LAMA3: variants seen among roughly 807,000 people sequenced by gnomAD.
The protein encoded by LAMA3 is laminin subunit alpha-3.
A neutral mutation model predicts 402.0 loss-of-function variants in LAMA3; 281 were observed. That is an observed-to-expected ratio of 0.70 (90% CI 0.63 to 0.77). LAMA3 has a LOEUF of 0.77. Among genes scored for constraint, LAMA3 ranks in the 30% least tolerant of loss-of-function variants. LAMA3 has a pLI of 0.00. For synonymous variants in LAMA3, 1,431 were observed against 1,558.4 expected, an observed-to-expected ratio of 0.92 and a Z score of 1.93; for missense variants, 3,840 against 4,215.5, an observed-to-expected ratio of 0.91 and a Z score of 2.47.
Position 23,945,511 on chromosome 18 carries a change from A to G in LAMA3, c.9211-633A>G, listed in dbSNP as rs548647455. Among the ~76,000 whole-genome samples, 4 of 152,274 alleles carry G rather than the reference A, an allele frequency of 2.6e-5. No individual in the cohort carries two copies. In the South Asian group the frequency reaches 8.3e-4, roughly 32 times the overall value. ...GGGAGAATGAGGATTTCTGTCGTGA[A>G]CATCTCAGGGTTGAGTGGCCTGTCA... On this transcript the variant is annotated intron_variant, in intron 69 of 74. Coordinates refer to ENST00000313654, the MANE Select transcript of LAMA3 (RefSeq NM_198129.4).
chr18:23,937,072 A>C (rs1303414211), intron 67 of LAMA3, among the ~76,000 whole-genome samples: 1 of 152,178 alleles, frequency 6.6e-6, no homozygotes, highest in Non-Finnish European at 1.5e-5. Context: ...TCTAGGCAAA[A>C]GAGTCGGGGC....
At position 23,760,955 on chromosome 18, in the gene LAMA3, TCTC is replaced by T. The variant is rs1295793354; in HGVS notation, c.1063+2447_1064-2445del. 3.3e-5 allele frequency among the ~76,000 whole-genome samples: 5 copies of T among 151,940 alleles called. No homozygotes were observed. In the South Asian group the frequency reaches 1.0e-3, roughly 32 times the overall value. The stretch of plus-strand genomic sequence containing the variant: ...CACTTATCACCTCCCAGAGGGCCCA[TCTC>T]CTAATAACTGGTGATTAGGTTTCAC... On this transcript the variant is annotated intron_variant, in intron 7 of 74. Transcript: ENST00000313654.
chr18:23,806,974 A>AT (rs1372560853), intron 12 of LAMA3, among the ~76,000 whole-genome samples: 1 of 152,226 alleles, frequency 6.6e-6, no homozygotes, highest in Non-Finnish European at 1.5e-5. Flanking sequence ...ACGTTATCAA[A>AT]TACGTGGTCA....
At chr18:23,845,628 A>C (rs2063797350) in intron 30 of LAMA3, among the ~76,000 whole-genome samples, 1 of 151,994 alleles carries the variant, frequency 6.6e-6, no homozygotes, top group Non-Finnish European at 1.5e-5. Flanking sequence ...TCTTCTGTGG[A>C]CCCACCCTTT....
chr18:23,737,057 G>A (rs1341366725), intron 2 of LAMA3, among the ~76,000 whole-genome samples: 1 of 152,006 alleles, frequency 6.6e-6, no homozygotes, highest in Non-Finnish European at 1.5e-5. Context: ...AGTGGGCAGA[G>A]TAGGATATGT....
At chr18:23,751,240 G>A in intron 5 of LAMA3, 152 bp downstream of exon 5, 1 of 745,460 alleles carries the variant, frequency 1.3e-6, no homozygotes, top group Non-Finnish European at 2.2e-6. Context: ...ATATAATTAG[G>A]AGTTTATATC....
chr18:23,812,582 A>G (rs984111075), intron 13 of LAMA3, among the ~76,000 whole-genome samples: 43 of 152,356 alleles, frequency 2.8e-4, no homozygotes, highest in African/African-American at 9.1e-4. Flanking sequence ...TTTGGTTTGT[A>G]GTGTTATACT....
intron 22 of LAMA3, 145 bp downstream of exon 22, chr18:23,826,944 C>T: frequency 3.0e-6 from 2 of 663,044 alleles, no homozygotes; most frequent in Non-Finnish European, 5.4e-6. Context: ...CTATGTCTTA[C>T]TTGTGTTCTT....
chr18:23,931,412 C>G (rs185709757), intron 65 of LAMA3: 111 of 553,708 alleles, frequency 2.0e-4, no homozygotes, highest in African/African-American at 1.9e-3. Context: ...ATCCCAACAA[C>G]TAAGAAGGCT....
At chr18:23,893,058 C>A (rs1211154275) in intron 42 of LAMA3, among the ~76,000 whole-genome samples, 1 of 151,862 alleles carries the variant, frequency 6.6e-6, no homozygotes, top group Admixed American at 6.6e-5. Context: ...TTTCTGACTT[C>A]CCCATATTTT....
At chr18:23,937,688 G>A (rs2145447013) in intron 67 of LAMA3, among the ~76,000 whole-genome samples, 1 of 152,280 alleles carries the variant, frequency 6.6e-6, no homozygotes, top group African/African-American at 2.4e-5. Context: ...AGGGAGCAAG[G>A]CCCACTGGTA....
chr18:23,898,133 G>A (rs1245855519), intron 44 of LAMA3: 1 of 153,378 alleles, frequency 6.5e-6, no homozygotes, highest in Admixed American at 6.5e-5. Context: ...TAGTGTCTAA[G>A]GGTCTAAGAG....
chr18:23,844,570 T>C (rs1235698836), intron 29 of LAMA3, among the ~76,000 whole-genome samples: 3 of 152,174 alleles, frequency 2.0e-5, no homozygotes, highest in Admixed American at 6.5e-5. Context: ...CCCTGCACAG[T>C]AATGTGGACT....
At chr18:23,906,345 A>G (rs1306831359) in intron 52 of LAMA3, among the ~76,000 whole-genome samples, 1 of 152,220 alleles carries the variant, frequency 6.6e-6, no homozygotes. Flanking sequence ...AATCTTTGCA[A>G]CTAAAAGTCC....
rs60499980 is a variant in LAMA3 at position 23,919,278 on chromosome 18, G to C, written c.7924-1657G>C. Among the ~76,000 whole-genome samples, 1,148 of 152,254 alleles carry C rather than the reference G, an allele frequency of 7.5e-3. 13 individuals carry two copies. The highest frequency in any genetic ancestry group is 0.027 in the African/African-American group (1,102 of 41,546). On this transcript the variant is annotated intron_variant, in intron 60 of 74. Coordinates refer to ENST00000313654, the MANE Select transcript of LAMA3 (RefSeq NM_198129.4). ...GAACTCGGTCCCTGGACCTCAAAGA[G>C]AGGCATTCTTATCATTAAGGAACTG...
chr18:23,794,076 C>T (rs966572369), intron 12 of LAMA3, among the ~76,000 whole-genome samples: 14 of 152,222 alleles, frequency 9.2e-5, no homozygotes, highest in Non-Finnish European at 1.8e-4. Flanking sequence ...CTCCCTGGGC[C>T]CCACCCTCCA....
chr18:23,749,289 G>T, intron 3 of LAMA3, 139 bp from the exon 4 acceptor site: 1 of 608,196 alleles, frequency 1.6e-6, no homozygotes. Flanking sequence ...TCCATTATCA[G>T]CCTTTCTCTA....
At chr18:23,779,780 C>G (rs1279529230) in intron 11 of LAMA3, among the ~76,000 whole-genome samples, 7 of 152,200 alleles carry the variant, frequency 4.6e-5, no homozygotes, top group Middle Eastern at 3.4e-3. Flanking sequence ...TTGGGAAAGT[C>G]ATGGGATTGC....
chr18:23,851,671 C>T (rs939643456), intron 32 of LAMA3, among the ~76,000 whole-genome samples: 2 of 152,218 alleles, frequency 1.3e-5, no homozygotes, highest in South Asian at 2.1e-4. Context: ...CTCCTGGCTT[C>T]AGCCACCCTC....
Sources: allele counts gnomAD v4.1 joint callset (sites outside exome capture counted in the v4.1 genomes callset), GRCh38; gene constraint gnomAD v4.1.1; transcripts MANE v1.5; gene names NCBI Gene and HGNC (gene_info 2026-07-23, HGNC 2026-07-21).